Variants in CDK6 observed in about 807,000 individuals in gnomAD.
CDK6 encodes cyclin dependent kinase 6, also known as cyclin-dependent kinase 6.
A neutral mutation model predicts 37.1 loss-of-function variants in CDK6; 6 were observed. The ratio of observed to expected loss-of-function variants is 0.16; its 90% CI spans 0.09 to 0.32. The LOEUF (loss-of-function observed/expected upper bound fraction) is 0.32, where lower values mean the gene tolerates loss of function less well. Ranked by LOEUF, CDK6 falls within the 10% of genes least tolerant of loss-of-function variation. The probability of loss-of-function intolerance (pLI) is 1.00; values close to 1 mark genes in which losing one functional copy is unlikely to be tolerated. For missense variants in CDK6, 224 were observed against 418.9 expected, an observed-to-expected ratio of 0.53 and a Z score of 4.06; for synonymous variants, 160 against 161.3, an observed-to-expected ratio of 0.99 and a Z score of 0.06.
intron 5 of CDK6, among the ~76,000 whole-genome samples, chr7:92,631,511 G>T (rs996856084): frequency 2.6e-5 from 4 of 152,248 alleles, no homozygotes; most frequent in East Asian, 1.9e-4. Context: ...GGACTAGACT[G>T]GGGGGAGTCC....
intron 2 of CDK6, among the ~76,000 whole-genome samples, chr7:92,826,689 GAGTA>G (rs745601928): frequency 1.4e-4 from 22 of 152,216 alleles, no homozygotes; most frequent in Middle Eastern, 3.4e-3. Flanking sequence ...GTTTAAATAT[GAGTA>G]AGTATTTGAA....
At chr7:92,628,789 T>C (rs1339671473) in intron 5 of CDK6, among the ~76,000 whole-genome samples, 1 of 152,078 alleles carries the variant, frequency 6.6e-6, no homozygotes, top group Non-Finnish European at 1.5e-5. Flanking sequence ...ATAATGTGTA[T>C]TTAAAAACTG....
chr7:92,730,071 G>A (rs1166110044), intron 3 of CDK6, among the ~76,000 whole-genome samples: 2 of 152,178 alleles, frequency 1.3e-5, no homozygotes, highest in African/African-American at 4.8e-5. Context: ...TTACAAGAAA[G>A]TATGATTATT....
chr7:92,697,605 C>T (rs1210283288), intron 4 of CDK6, among the ~76,000 whole-genome samples: 1 of 152,172 alleles, frequency 6.6e-6, no homozygotes, highest in East Asian at 1.9e-4. Flanking sequence ...GTATGACAAC[C>T]ATGCAGGCAG....
intron 4 of CDK6, among the ~76,000 whole-genome samples, chr7:92,690,520 A>G (rs149881055): frequency 6.6e-6 from 1 of 152,318 alleles, no homozygotes; most frequent in East Asian, 1.9e-4. Flanking sequence ...TGGTTACCGT[A>G]GCCCTGTAGT....
At chr7:92,720,222 T>C (rs1390525347) in intron 4 of CDK6, among the ~76,000 whole-genome samples, 2 of 152,204 alleles carry the variant, frequency 1.3e-5, no homozygotes, top group African/African-American at 2.4e-5. Context: ...TCTTTAAAAA[T>C]GGACTCCTAA....
At chr7:92,745,596 G>A (rs1043846513) in intron 3 of CDK6, among the ~76,000 whole-genome samples, 4 of 152,148 alleles carry the variant, frequency 2.6e-5, no homozygotes, top group Non-Finnish European at 4.4e-5. Flanking sequence ...GTGGTACTTC[G>A]CTCTTTGAAC....
At chr7:92,709,256 G>A (rs1798033234) in intron 4 of CDK6, among the ~76,000 whole-genome samples, 1 of 151,934 alleles carries the variant, frequency 6.6e-6, no homozygotes, top group Non-Finnish European at 1.5e-5. Context: ...GGTAAAAAAG[G>A]TTTTAAAGCA....
intron 5 of CDK6, among the ~76,000 whole-genome samples, chr7:92,666,203 A>G (rs1316207078): frequency 6.6e-6 from 1 of 152,182 alleles, no homozygotes; most frequent in Non-Finnish European, 1.5e-5. Context: ...CCACTGAGAA[A>G]TCTTCCCTCT....
chr7:92,663,732 T>C (rs949269028), intron 5 of CDK6, among the ~76,000 whole-genome samples: 2 of 151,588 alleles, frequency 1.3e-5, no homozygotes, highest in East Asian at 2.0e-4. Context: ...AAAATCAATA[T>C]TAATAACATT....
intron 4 of CDK6, among the ~76,000 whole-genome samples, chr7:92,720,255 C>T (rs1471702135): frequency 6.6e-6 from 1 of 152,160 alleles, no homozygotes; most frequent in Non-Finnish European, 1.5e-5. Flanking sequence ...CCTCTAAATA[C>T]CCTTTGTAGA....
intron 5 of CDK6, among the ~76,000 whole-genome samples, chr7:92,650,388 C>T (rs1258235078): frequency 6.6e-6 from 1 of 152,090 alleles, no homozygotes; most frequent in Non-Finnish European, 1.5e-5. Context: ...GTGTTTTCTG[C>T]AATGTTTATT....
chr7:92,718,526 C>T (rs1798285689), intron 4 of CDK6, among the ~76,000 whole-genome samples: 1 of 152,206 alleles, frequency 6.6e-6, no homozygotes, highest in Non-Finnish European at 1.5e-5. Context: ...GTTCTCCGAT[C>T]TCTGGTCCTG....
At chr7:92,792,867 T>G (rs970484241) in intron 2 of CDK6, among the ~76,000 whole-genome samples, 2 of 151,906 alleles carry the variant, frequency 1.3e-5, no homozygotes, top group South Asian at 2.1e-4. Context: ...TGGGAAGTTA[T>G]CAGCCTCCAG....
At chr7:92,712,985 T>A (rs1408957618) in intron 4 of CDK6, among the ~76,000 whole-genome samples, 1 of 152,064 alleles carries the variant, frequency 6.6e-6, no homozygotes, top group Non-Finnish European at 1.5e-5. Flanking sequence ...TGCCCCAGCC[T>A]GTAGCTGGGA....
chr7:92,652,865 G>T (rs924393085), intron 5 of CDK6, among the ~76,000 whole-genome samples: 2 of 152,166 alleles, frequency 1.3e-5, no homozygotes, highest in Admixed American at 1.3e-4. Flanking sequence ...CTCAGCTCAG[G>T]TAAATGCCCA....
At chr7:92,796,525 C>T (rs1800417357) in intron 2 of CDK6, among the ~76,000 whole-genome samples, 1 of 151,942 alleles carries the variant, frequency 6.6e-6, no homozygotes, top group African/African-American at 2.4e-5. Flanking sequence ...TTGGATATTC[C>T]ACATCTCTTT....
chr7:92,684,010 AG>A (rs1481094946), intron 4 of CDK6, among the ~76,000 whole-genome samples: 2 of 152,174 alleles, frequency 1.3e-5, no homozygotes, highest in African/African-American at 2.4e-5. Flanking sequence ...GTAAATAAGT[AG>A]GGGGCTACGG....
chr7:92,606,895 C>T lies in CDK6; in HGVS notation c.*8245G>A, dbSNP rs1226194382. 1 of 232,930 alleles carries T rather than the reference C, an allele frequency of 4.3e-6. No individual in the cohort carries two copies. Among genetic ancestry groups the T allele is most frequent in the Non-Finnish European group, 8.5e-6 (1 of 117,878 alleles). The allele number at this position is 232,930 out of a possible 1,614,324, so 14.4% of individuals were successfully genotyped here. On this transcript the variant is annotated 3_prime_UTR_variant, in exon 8 of 8. Transcript: ENST00000424848. ...CTTAACACATACTGCTCTTCTATAC[C>T]AAACACTTGCCCTTTAACCTTCAGA...
Sources: allele counts gnomAD v4.1 joint callset (sites outside exome capture counted in the v4.1 genomes callset), GRCh38; gene constraint gnomAD v4.1.1; transcripts MANE v1.5; gene names NCBI Gene and HGNC (gene_info 2026-07-23, HGNC 2026-07-21).